Variants in ELAPOR2 observed in about 807,000 individuals in gnomAD.
ELAPOR2 encodes endosome-lysosome associated apoptosis and autophagy regulator family member 2.
Under a neutral mutation model 120.7 loss-of-function variants are expected in ELAPOR2, and 89 were observed. The observed-to-expected ratio is 0.74, with a 90% confidence interval of 0.62 to 0.88. The LOEUF is 0.88. Ranked by LOEUF, ELAPOR2 falls within the 40% of genes least tolerant of loss-of-function variation. The pLI is 0.00. For synonymous variants in ELAPOR2, 444 were observed against 444.9 expected (o/e 1.00, Z 0.03); for missense variants, 1,134 against 1,251.6 (o/e 0.91, Z 1.42).
chr7:87,007,344 C>T (rs567490876), intron 1 of ELAPOR2, among the ~76,000 whole-genome samples: 2 of 152,184 alleles, frequency 1.3e-5, no homozygotes, highest in Admixed American at 6.5e-5. Flanking sequence ...AACCAGGTTT[C>T]TCATTGTTGG....
intron 3 of ELAPOR2, among the ~76,000 whole-genome samples, 155 bp from the exon 4 acceptor site, chr7:86,945,201 T>G (rs1790951098): frequency 6.6e-6 from 1 of 152,242 alleles, no homozygotes; most frequent in African/African-American, 2.4e-5. Context: ...ACTTTATTAC[T>G]GAGAAGAGGT....
intron 3 of ELAPOR2, among the ~76,000 whole-genome samples, chr7:86,946,159 T>TCTCACACACACACACACACACA (rs148805286): frequency 7.5e-5 from 11 of 146,396 alleles, no homozygotes; most frequent in African/African-American, 2.8e-4. Context: ...ATACCATTTC[T>TCTCACACACACACACACACACA]CACACACACA....
intron 19 of ELAPOR2, among the ~76,000 whole-genome samples, chr7:86,895,146 T>C (rs985218284): frequency 1.3e-5 from 2 of 152,104 alleles, no homozygotes; most frequent in African/African-American, 4.8e-5. Flanking sequence ...TTGCAATATT[T>C]TGCAATAACT....
At chr7:86,900,869 C>T (rs1206853588) in intron 18 of ELAPOR2, among the ~76,000 whole-genome samples, 1 of 152,162 alleles carries the variant, frequency 6.6e-6, no homozygotes, top group South Asian at 2.1e-4. Context: ...AAAATACTTT[C>T]TCCTACCAAG....
rs921139225 is a variant in ELAPOR2 at position 86,964,818 on chromosome 7, A to G, written c.310+86T>C. 6.3e-6 allele frequency: 9 copies of G among 1,432,024 alleles called. No homozygotes were observed. In the South Asian group the frequency reaches 7.6e-5, roughly 12 times the overall value. The allele number at this position is 1,432,024 out of a possible 1,614,324, so 88.7% of individuals were successfully genotyped here. ...TATGCTCATTTTTGTAAGGTCTCCT[A>G]CATTCATTATAATTAACATCTAGGG... On this transcript the variant is annotated intron_variant, in intron 2 of 21. Coordinates refer to ENST00000450689, the MANE Select transcript of ELAPOR2 (RefSeq NM_001142749.3).
chr7:87,010,463 G>T (rs1260398704), intron 1 of ELAPOR2, among the ~76,000 whole-genome samples: 5 of 152,146 alleles, frequency 3.3e-5, no homozygotes, highest in Non-Finnish European at 5.9e-5. Flanking sequence ...AAAAAACAAT[G>T]AATTCTGATA....
chr7:87,036,760 C>A (rs1794599891), intron 1 of ELAPOR2, among the ~76,000 whole-genome samples: 1 of 151,988 alleles, frequency 6.6e-6, no homozygotes, highest in East Asian at 1.9e-4. Context: ...AAGATGGCAA[C>A]AATAGACACT....
Position 86,925,632 on chromosome 7 carries a change from G to T in ELAPOR2, c.1295C>A (p.Thr432Lys), listed in dbSNP as rs138544248. The change falls in exon 10 of 22, where the codon ACG (threonine) becomes AAG (lysine). Residue 432 changes from threonine (T) to lysine (K), a missense_variant. Coordinates refer to ENST00000450689, the MANE Select transcript of ELAPOR2 (RefSeq NM_001142749.3). ...ATATTCAAAGCCAAGTGCAGGCTCC[G>T]TTCCTGCTGGACATGGTCTACATTC... The part of the protein sequence containing the change: ...TKECRPCPAG[T>K]EPALGFEYKW... The T allele has an allele frequency of 1.6e-5, 26 of 1,611,694 alleles. No homozygotes were observed. The highest frequency in any genetic ancestry group is 2.1e-5 in the Non-Finnish European group (25 of 1,178,386).
chr7:86,911,794 A>G, intron 15 of ELAPOR2: 1 of 546,044 alleles, frequency 1.8e-6, no homozygotes, highest in Non-Finnish European at 3.4e-6. Flanking sequence ...CATTTTTATG[A>G]AAACAAAACA....
Position 86,891,800 on chromosome 7 carries a change from C to T in ELAPOR2, c.2954G>A (p.Gly985Glu). The T allele has an allele frequency of 6.2e-7, 1 of 1,612,190 alleles. No individual in the cohort carries two copies. The highest frequency in any genetic ancestry group is 8.5e-7 in the Non-Finnish European group (1 of 1,178,762). ...PAADSCAIME[G>E]EDNEEEVVYS... Reference sequence around the variant, plus strand: ...TACAACTTCCTCTTCATTATCTTCTCCTTCCATGATAGCACAACTGTCTGC... The same window carrying T: ...TACAACTTCCTCTTCATTATCTTCTTCTTCCATGATAGCACAACTGTCTGC... Residue 985 changes from glycine (G) to glutamate (E), a missense_variant, in exon 21 of 22, where the codon GGA becomes GAA. Physicochemically the swap from Gly to Glu is moderately conservative, Grantham distance 98 (BLOSUM62 -2). This residue lies in a region of ELAPOR2 where 831 missense variants were observed against 867.6 expected (regional missense o/e 0.96). Coordinates refer to ENST00000450689, the MANE Select transcript of ELAPOR2 (RefSeq NM_001142749.3).
chr7:86,993,234 C>CAAAAAAAAAA lies in ELAPOR2; in HGVS notation c.190-28220_190-28211dup, dbSNP rs1159917841. Among the ~76,000 whole-genome samples, 499 of 57,052 alleles carry CAAAAAAAAAA rather than the reference C, an allele frequency of 8.7e-3. 10 individuals carry two copies. Among genetic ancestry groups the CAAAAAAAAAA allele is most frequent in the Admixed American group, 0.015 (69 of 4,530 alleles). The allele number at this position is 57,052 out of a possible 152,430, so 37.4% of individuals were successfully genotyped here. ...CTGATGACAGAGCGAGACTCCATCT[C>CAAAAAAAAAA]AAAAAAAAAAAAAAAAGAAAAAGAA... On this transcript the variant is annotated intron_variant, in intron 1 of 21. Transcript: ENST00000450689.
intron 1 of ELAPOR2, among the ~76,000 whole-genome samples, chr7:87,024,174 C>T (rs193059782): frequency 5.3e-4 from 80 of 152,218 alleles, no homozygotes; most frequent in African/African-American, 1.9e-3. Context: ...AGTTTTTGCC[C>T]ATTCAGTATG....
chr7:86,930,301 AG>A (rs1177230018), intron 8 of ELAPOR2, among the ~76,000 whole-genome samples: 1 of 152,008 alleles, frequency 6.6e-6, no homozygotes, highest in East Asian at 1.9e-4. Flanking sequence ...ACAGACTATT[AG>A]AAAAATTTTA....
At chr7:86,985,553 T>C (rs957751720) in intron 1 of ELAPOR2, among the ~76,000 whole-genome samples, 2 of 152,186 alleles carry the variant, frequency 1.3e-5, no homozygotes, top group Non-Finnish European at 2.9e-5. Flanking sequence ...AATCAATAAA[T>C]GTAATCCATC....
chr7:87,056,105 T>C (rs1321139793), intron 1 of ELAPOR2, among the ~76,000 whole-genome samples: 1 of 152,202 alleles, frequency 6.6e-6, no homozygotes, highest in Non-Finnish European at 1.5e-5. Flanking sequence ...AGTCCTATTA[T>C]TCACTGAGTC....
At chr7:87,025,598 G>A (rs1170820263) in intron 1 of ELAPOR2, among the ~76,000 whole-genome samples, 1 of 151,936 alleles carries the variant, frequency 6.6e-6, no homozygotes, top group East Asian at 1.9e-4. Flanking sequence ...AACCAATTGA[G>A]CATTACCTGC....
intron 1 of ELAPOR2, among the ~76,000 whole-genome samples, chr7:87,010,732 T>C (rs954815675): frequency 1.3e-5 from 2 of 152,030 alleles, no homozygotes; most frequent in African/African-American, 2.4e-5. Context: ...CTGCACTGTT[T>C]AGGGAATAAT....
chr7:86,882,120 G>T (rs566789598), intron 21 of ELAPOR2, among the ~76,000 whole-genome samples: 2 of 152,170 alleles, frequency 1.3e-5, no homozygotes, highest in African/African-American at 4.8e-5. Context: ...CCTGCTGACT[G>T]GCTCTGTGAG....
chr7:86,982,022 C>T (rs1299460721), intron 1 of ELAPOR2, among the ~76,000 whole-genome samples: 2 of 152,248 alleles, frequency 1.3e-5, no homozygotes, highest in South Asian at 2.1e-4. Context: ...GCATCTGGCT[C>T]GGCAGGTCCC....
Sources: gnomAD v4.1 joint callset for allele counts (sites outside exome capture counted in the v4.1 genomes callset) on GRCh38, gnomAD v4.1.1 for gene constraint, gnomAD v4.1.1 regional missense constraint, MANE v1.5 for transcripts, NCBI Gene and HGNC (gene_info 2026-07-23, HGNC 2026-07-21) for gene names.